Variants in ARMC9 observed in about 807,000 individuals in gnomAD.
ARMC9 encodes armadillo repeat containing 9.
In ARMC9, 94 loss-of-function variants were observed where a neutral mutation model predicts 107.0. The observed-to-expected ratio is 0.88, with a 90% confidence interval of 0.74 to 1.04. The LOEUF is 1.04. Ranked by LOEUF, ARMC9 falls within the 50% of genes least tolerant of loss-of-function variation. The pLI, the probability that ARMC9 is intolerant of heterozygous loss-of-function variation, is 0.00. For synonymous variants in ARMC9, 380 were observed against 396.9 expected (o/e 0.96, Z 0.51); for missense variants, 942 against 1,030.1 (o/e 0.91, Z 1.17).
rs541655231 is a variant in ARMC9, at chr2:231,198,675, C to G, written c.-65C>G. ...AGGTGGCGGCCGGGCTGGGATAGCG[C>G]GAGTGTCCGCGGCCGAGCAGCAGGT... is the stretch of plus-strand genomic sequence containing the variant. On this transcript the variant is annotated 5_prime_UTR_variant, in exon 1 of 25. Coordinates refer to ENST00000611582, the MANE Select transcript of ARMC9 (RefSeq NM_001352754.2). The G allele has an allele frequency of 2.0e-5, 3 of 152,282 alleles. No homozygotes were observed. Among genetic ancestry groups the G allele is most frequent in the African/African-American group, 7.2e-5 (3 of 41,560 alleles). The allele number at this position is 152,282 out of a possible 1,614,324, so 9.4% of individuals were successfully genotyped here.
intron 19 of ARMC9, among the ~76,000 whole-genome samples, chr2:231,305,206 C>T (rs1020897760): frequency 2.0e-5 from 3 of 152,210 alleles, no homozygotes; most frequent in Non-Finnish European, 4.4e-5. Flanking sequence ...TCATCATCCC[C>T]GTATTTATCT....
At chr2:231,257,351 G>A (rs533110713) in intron 10 of ARMC9, among the ~76,000 whole-genome samples, 9 of 152,172 alleles carry the variant, frequency 5.9e-5, no homozygotes, top group African/African-American at 1.9e-4. Context: ...TCCCCCTTAC[G>A]AGTGTCTGAT....
At chr2:231,258,185 CTTTT>C (rs1258347978) in intron 10 of ARMC9, among the ~76,000 whole-genome samples, 1 of 151,798 alleles carries the variant, frequency 6.6e-6, no homozygotes, top group Admixed American at 6.6e-5. Flanking sequence ...CTCTTTTTTT[CTTTT>C]TTTTCTTTTC....
chr2:231,270,832 G>T, intron 12 of ARMC9, 150 bp from the exon 13 acceptor site: 1 of 740,520 alleles, frequency 1.4e-6, no homozygotes. Flanking sequence ...TGGAAAACAA[G>T]GATTCCAGAT....
intron 18 of ARMC9, among the ~76,000 whole-genome samples, chr2:231,292,272 A>T (rs138988908): frequency 6.3e-4 from 96 of 152,172 alleles, no homozygotes; most frequent in African/African-American, 2.3e-3. Flanking sequence ...AAAAGAACTT[A>T]GAAGCAATTA....
At chr2:231,285,712 C>T (rs2040542510) in intron 17 of ARMC9, among the ~76,000 whole-genome samples, 1 of 151,946 alleles carries the variant, frequency 6.6e-6, no homozygotes, top group African/African-American at 2.4e-5. Context: ...AAGATATAAG[C>T]CAGGGAGGAA....
chr2:231,274,007 G>A (rs1467229987), intron 14 of ARMC9, among the ~76,000 whole-genome samples: 2 of 152,284 alleles, frequency 1.3e-5, no homozygotes, highest in East Asian at 1.9e-4. Context: ...ACTCTTTTGT[G>A]ACTGGCTTCT....
rs2030119825 is a variant in ARMC9, at chr2:231,198,657, G to T, written c.-83G>T. ...CCCGGGTGACGGCTGCGGAGGTGGC[G>T]GCCGGGCTGGGATAGCGCGAGTGTC... On this transcript the variant is annotated 5_prime_UTR_variant, in exon 1 of 25. Transcript: ENST00000611582. 6.6e-6 allele frequency: 1 copy of T among 152,178 alleles called. No homozygotes were observed. Among genetic ancestry groups the T allele is most frequent in the Non-Finnish European group, 1.5e-5 (1 of 68,026 alleles). The allele number at this position is 152,178 out of a possible 1,614,324, so 9.4% of individuals were successfully genotyped here.
rs1012022307 is a variant in ARMC9 at position 231,248,604 on chromosome 2, C to T, written c.880-7982C>T. Among the ~76,000 whole-genome samples the T allele has an allele frequency of 5.3e-5, 8 of 151,908 alleles. No individual in the cohort carries two copies. In the East Asian group the frequency reaches 9.7e-4, roughly 18 times the overall value. ...CGGGCGGATCATGAGGTCAGGAGTT[C>T]GAGACCAGCCTGACCAACATGGTGA... On this transcript the variant is annotated intron_variant, in intron 9 of 24. Coordinates refer to ENST00000611582, the MANE Select transcript of ARMC9 (RefSeq NM_001352754.2).
chr2:231,337,463 ATTTTTGTT>A (rs2044198482), intron 20 of ARMC9, among the ~76,000 whole-genome samples: 1 of 102,728 alleles, frequency 9.7e-6, no homozygotes, highest in Non-Finnish European at 2.0e-5. Flanking sequence ...CGCCCGGCTA[ATTTTTGTT>A]TTTTTTTTTT....
chr2:231,290,472 C>T (rs114759696), intron 17 of ARMC9, among the ~76,000 whole-genome samples: 1 of 152,208 alleles, frequency 6.6e-6, no homozygotes, highest in African/African-American at 2.4e-5. Context: ...ATCCGTTTCT[C>T]TGGCAGTACT....
chr2:231,366,710 G>A (rs1305974469), intron 23 of ARMC9, among the ~76,000 whole-genome samples: 1 of 151,350 alleles, frequency 6.6e-6, no homozygotes, highest in African/African-American at 2.4e-5. Context: ...GCATGGTGGC[G>A]GGTGCCTGTA....
chr2:231,367,164 T>A (rs984916075), intron 23 of ARMC9, among the ~76,000 whole-genome samples: 3 of 152,168 alleles, frequency 2.0e-5, no homozygotes, highest in Non-Finnish European at 4.4e-5. Flanking sequence ...AAACAAATTT[T>A]AAAAAATTAT....
At chr2:231,312,113 G>A (rs1294436316) in intron 19 of ARMC9, among the ~76,000 whole-genome samples, 1 of 152,200 alleles carries the variant, frequency 6.6e-6, no homozygotes, top group Admixed American at 6.5e-5. Context: ...CTGTGGGTTG[G>A]CTTGGCAGGT....
At chr2:231,272,314 C>T (rs2039403042) in intron 13 of ARMC9, among the ~76,000 whole-genome samples, 1 of 151,184 alleles carries the variant, frequency 6.6e-6, no homozygotes, top group Admixed American at 6.6e-5. Context: ...GCGCCTCAGC[C>T]CCCCAATTAG....
chr2:231,283,433 T>C (rs1171689118), intron 17 of ARMC9, among the ~76,000 whole-genome samples: 1 of 152,110 alleles, frequency 6.6e-6, no homozygotes, highest in African/African-American at 2.4e-5. Context: ...TAAACAAGTT[T>C]TTGTTTTTGT....
chr2:231,269,751 C>A (rs2039156389), intron 12 of ARMC9, among the ~76,000 whole-genome samples: 1 of 152,080 alleles, frequency 6.6e-6, no homozygotes. Flanking sequence ...TGATAGCATT[C>A]TCTTGTTTCA....
intron 12 of ARMC9, among the ~76,000 whole-genome samples, chr2:231,267,862 C>T (rs1178026962): frequency 6.6e-6 from 1 of 152,148 alleles, no homozygotes; most frequent in Non-Finnish European, 1.5e-5. Flanking sequence ...AGCAAAACCA[C>T]TCCTAGATAA....
chr2:231,258,787 A>G (rs1464576354), intron 10 of ARMC9, among the ~76,000 whole-genome samples: 1 of 152,158 alleles, frequency 6.6e-6, no homozygotes, highest in East Asian at 1.9e-4. Context: ...ACCTAAGTCC[A>G]TCCAACAGAA....
Sources: allele counts gnomAD v4.1 joint callset (sites outside exome capture counted in the v4.1 genomes callset), GRCh38; gene constraint gnomAD v4.1.1; transcripts MANE v1.5; gene names NCBI Gene and HGNC (gene_info 2026-07-23, HGNC 2026-07-21).